TAOK3: variants seen among roughly 807,000 people sequenced by gnomAD.
TAOK3 encodes serine/threonine-protein kinase TAO3.
A neutral mutation model predicts 120.4 loss-of-function variants in TAOK3; 40 were observed. The observed-to-expected ratio is 0.33, with a 90% CI of 0.26 to 0.43. The LOEUF (loss-of-function observed/expected upper bound fraction) is 0.43. Ranked by LOEUF, TAOK3 falls within the 20% of genes least tolerant of loss-of-function variation. TAOK3 has a pLI of 1.00. For missense variants in TAOK3, 821 were observed against 1,112.1 expected (o/e 0.74, Z 3.72); for synonymous variants, 355 against 387.5 (o/e 0.92, Z 0.99).
intron 13 of TAOK3, 158 bp from the exon 14 acceptor site, chr12:118,190,099 G>A: frequency 2.5e-6 from 2 of 816,236 alleles, no homozygotes; most frequent in South Asian, 4.1e-5. Context: ...AAATGAATAA[G>A]CAACACATTG....
At position 118,243,507 on chromosome 12, in the gene TAOK3, C is replaced by A. The variant is rs1489932923; in HGVS notation, c.202G>T (p.Asp68Tyr). 6.9e-7 allele frequency: 1 copy of A among 1,443,364 alleles called. No homozygotes were observed. Among genetic ancestry groups the A allele is most frequent in the Admixed American group, 2.5e-5 (1 of 39,760 alleles). The allele number at this position is 1,443,364 out of a possible 1,614,324, so 89.4% of individuals were successfully genotyped here. A position where few individuals can be genotyped will look rare whatever the true frequency, so the allele number is the denominator to read the frequency against. Residue 68 changes from aspartate (D) to tyrosine (Y), a missense_variant, in exon 5 of 21, where the codon GAT (aspartate) becomes TAT (tyrosine). Physicochemically the swap from Asp to Tyr is radical, Grantham distance 160. Coordinates refer to ENST00000392533, the MANE Select transcript of TAOK3 (RefSeq NM_016281.4). ...AAAAATTTAACTTCCTTAAGAATATCTTGCCATTTCTATTGAAGTCAGAAA... is the reference window on the plus strand; with the variant it reads ...AAAAATTTAACTTCCTTAAGAATATATTGCCATTTCTATTGAAGTCAGAAA... ...SGKQTHEKWQ[D>Y]ILKEVKFLRQ...
chr12:118,206,107 T>C (rs2038293848), intron 11 of TAOK3, among the ~76,000 whole-genome samples: 1 of 152,192 alleles, frequency 6.6e-6, no homozygotes, highest in African/African-American at 2.4e-5. Context: ...ACAAGGTGTT[T>C]TACCCTTTGT....
rs542715055 is a variant in TAOK3, at chr12:118,360,746, T to C, written c.-194+11902A>G. ...AGCATTTCATATATAATGAGGAAAC[T>C]TCCATAAAGGCAGAGATTAAGAAAT... On this transcript the variant is annotated intron_variant, in intron 1 of 20. Coordinates refer to ENST00000392533, the MANE Select transcript of TAOK3 (RefSeq NM_016281.4). 2.0e-5 allele frequency among the ~76,000 whole-genome samples: 3 copies of C among 152,256 alleles called. No individual in the cohort carries two copies. In the East Asian group the frequency reaches 5.8e-4, roughly 29 times the overall value.
intron 1 of TAOK3, among the ~76,000 whole-genome samples, chr12:118,289,742 C>A (rs1385219510): frequency 2.0e-5 from 3 of 152,090 alleles, no homozygotes; most frequent in Non-Finnish European, 4.4e-5. Flanking sequence ...CAGCTATAAT[C>A]CCAGCATTTT....
chr12:118,176,552 T>C (rs1467384350), intron 16 of TAOK3, among the ~76,000 whole-genome samples: 2 of 152,128 alleles, frequency 1.3e-5, no homozygotes, highest in African/African-American at 4.8e-5. Flanking sequence ...GGTTTAGAGT[T>C]ATATCAATGG....
At chr12:118,358,961 C>T (rs1227371817) in intron 1 of TAOK3, 5 of 152,130 alleles carry the variant, frequency 3.3e-5, no homozygotes, top group Admixed American at 2.0e-4. Flanking sequence ...TCCAGTTCAA[C>T]ATACTAAAGA....
At chr12:118,368,008 A>T (rs1473030036) in intron 1 of TAOK3, among the ~76,000 whole-genome samples, 1 of 152,218 alleles carries the variant, frequency 6.6e-6, no homozygotes, top group Non-Finnish European at 1.5e-5. Context: ...CTCTAAGATT[A>T]CAATAGTTTG....
chr12:118,189,361 T>C (rs2037276029), intron 14 of TAOK3, among the ~76,000 whole-genome samples: 1 of 152,162 alleles, frequency 6.6e-6, no homozygotes, highest in Non-Finnish European at 1.5e-5. Flanking sequence ...TATGCATCTA[T>C]ACAAAAAGCA....
At chr12:118,224,751 C>T (rs958566558) in intron 9 of TAOK3, among the ~76,000 whole-genome samples, 41 of 152,236 alleles carry the variant, frequency 2.7e-4, no homozygotes, top group African/African-American at 9.6e-4. Flanking sequence ...AGGACAGTGT[C>T]AGTAACACTA....
intron 16 of TAOK3, among the ~76,000 whole-genome samples, chr12:118,175,239 T>C (rs2036247784): frequency 6.6e-6 from 1 of 152,178 alleles, no homozygotes; most frequent in African/African-American, 2.4e-5. Flanking sequence ...AAAAAATCCC[T>C]AGGCCCACCC....
chr12:118,267,150 T>A (rs2041484448), intron 1 of TAOK3, among the ~76,000 whole-genome samples: 1 of 152,188 alleles, frequency 6.6e-6, no homozygotes, highest in Admixed American at 6.5e-5. Context: ...TTGCATTGAT[T>A]ACTCTACCTT....
At chr12:118,237,796 A>T (rs540212484) in intron 7 of TAOK3, among the ~76,000 whole-genome samples, 1 of 152,216 alleles carries the variant, frequency 6.6e-6, no homozygotes, top group African/African-American at 2.4e-5. Flanking sequence ...CACAGTATCT[A>T]AAGATTGGTG....
chr12:118,203,033 G>T lies in TAOK3; in HGVS notation c.820-1570C>A, dbSNP rs543114118. ...GAGCTCAAGTGATCCACCCGCCTCA[G>T]CCTCCCAAAGTGTTGGGATTACAGG... On this transcript the variant is annotated intron_variant, in intron 11 of 20. Transcript: ENST00000392533. Among the ~76,000 whole-genome samples, 8 of 152,050 alleles carry T rather than the reference G, an allele frequency of 5.3e-5. No homozygotes were observed. In the South Asian group the frequency reaches 1.7e-3, roughly 32 times the overall value.
chr12:118,213,546 C>T (rs1487840330), intron 10 of TAOK3, among the ~76,000 whole-genome samples: 1 of 151,972 alleles, frequency 6.6e-6, no homozygotes, highest in African/African-American at 2.4e-5. Flanking sequence ...AAATGTCATA[C>T]TTTTCAGCAA....
chr12:118,163,452 G>GT (rs1231909384), intron 17 of TAOK3, among the ~76,000 whole-genome samples: 1 of 149,114 alleles, frequency 6.7e-6, no homozygotes, highest in South Asian at 2.1e-4. Context: ...TTTTTTTGGG[G>GT]GGGGTGGGGG....
chr12:118,195,981 C>A (rs530320404), intron 13 of TAOK3, among the ~76,000 whole-genome samples: 1 of 151,948 alleles, frequency 6.6e-6, no homozygotes, highest in Non-Finnish European at 1.5e-5. Flanking sequence ...ACGCAGGAGG[C>A]GGAGCTTGCA....
intron 19 of TAOK3, among the ~76,000 whole-genome samples, chr12:118,156,778 A>T (rs1191566563): frequency 2.0e-5 from 3 of 151,734 alleles, no homozygotes; most frequent in African/African-American, 7.3e-5. Context: ...TCTGTCACCC[A>T]GGCTGGAGTG....
chr12:118,249,747 G>A lies in TAOK3; in HGVS notation c.121-4782C>T, dbSNP rs200967588. On this transcript the variant is annotated intron_variant, in intron 3 of 20. Transcript: ENST00000392533. ...CTCAGGAGGCAGAGGCAGTAGGATT[G>A]CTTGAGTCCAAGGGTTCAAGGTTAC... Among the ~76,000 whole-genome samples, 6 of 152,192 alleles carry A rather than the reference G, an allele frequency of 3.9e-5. No individual in the cohort carries two copies. In the East Asian group the frequency reaches 7.7e-4, roughly 20 times the overall value.
At chr12:118,241,259 T>C (rs1227453841) in intron 5 of TAOK3, among the ~76,000 whole-genome samples, 3 of 151,908 alleles carry the variant, frequency 2.0e-5, no homozygotes, top group Non-Finnish European at 4.4e-5. Context: ...GAAACATTAA[T>C]CTTATTTCTT....
Sources: gnomAD v4.1 joint callset for allele counts (sites outside exome capture counted in the v4.1 genomes callset) on GRCh38, gnomAD v4.1.1 for gene constraint, MANE v1.5 for transcripts, NCBI Gene and HGNC (gene_info 2026-07-23, HGNC 2026-07-21) for gene names.